The following ERBB4 variants were observed in gnomAD, a reference collection of about 807,000 sequenced individuals.
ERBB4 encodes the protein receptor tyrosine-protein kinase erbB-4.
ERBB4 carries 42 observed loss-of-function variants against 158.0 expected under a neutral mutation model. The ratio of observed to expected loss-of-function variants is 0.27; its 90% CI spans 0.21 to 0.34. The LOEUF is 0.34. Among genes scored for constraint, ERBB4 ranks in the 10% least tolerant of loss-of-function variants. ERBB4 has a pLI of 1.00. For missense variants in ERBB4, 1,333 were observed against 1,624.1 expected (o/e 0.82, Z 3.08); for synonymous variants, 583 against 558.7 (o/e 1.04, Z -0.61).
At chr2:211,422,132 C>CTATATTCGTAACTAGAAAG (rs2063526070) in intron 23 of ERBB4, 28 bp from the exon 24 acceptor site, 1 of 1,386,746 alleles carries the variant, frequency 7.2e-7, no homozygotes, top group Non-Finnish European at 1.0e-6. Context: ...GAAAATGTCA[C>CTATATTCGTAACTAGAAAG]TATATTCGTA....
intron 20 of ERBB4, among the ~76,000 whole-genome samples, chr2:211,472,603 C>T (rs78360984): frequency 0.017 from 2,652 of 151,810 alleles, 43 homozygotes; most frequent in Middle Eastern, 0.048. Context: ...AAACTCCTCA[C>T]GACGGTAATT....
intron 3 of ERBB4, among the ~76,000 whole-genome samples, chr2:211,908,967 T>C (rs1332914448): frequency 6.6e-6 from 1 of 151,656 alleles, no homozygotes; most frequent in East Asian, 2.0e-4. Context: ...ATATATGTTA[T>C]AACTGGTTTC....
At chr2:211,692,293 C>G (rs180720163) in intron 12 of ERBB4, among the ~76,000 whole-genome samples, 2 of 152,086 alleles carry the variant, frequency 1.3e-5, no homozygotes, top group Admixed American at 1.3e-4. Context: ...CAATTGTGTC[C>G]GAAAAGCTAT....
intron 2 of ERBB4, among the ~76,000 whole-genome samples, chr2:212,102,427 T>C (rs1441952259): frequency 6.6e-6 from 1 of 152,060 alleles, no homozygotes; most frequent in African/African-American, 2.4e-5. Context: ...CATTTGTTGA[T>C]CATTTTCATC....
chr2:211,526,842 A>C (rs1185647102), intron 20 of ERBB4, among the ~76,000 whole-genome samples: 1 of 152,120 alleles, frequency 6.6e-6, no homozygotes, highest in African/African-American at 2.4e-5. Context: ...GAACTAATCA[A>C]GCAGAAAAAA....
At chr2:212,449,777 T>C (rs1262889661) in intron 1 of ERBB4, among the ~76,000 whole-genome samples, 1 of 152,088 alleles carries the variant, frequency 6.6e-6, no homozygotes, top group African/African-American at 2.4e-5. Flanking sequence ...CTTGGACAGG[T>C]ACCAGGCTTG....
At chr2:212,200,905 G>A (rs1193156146) in intron 1 of ERBB4, among the ~76,000 whole-genome samples, 2 of 152,096 alleles carry the variant, frequency 1.3e-5, no homozygotes. Context: ...CTACATCAGA[G>A]TGAATTTATA....
chr2:211,633,446 T>A (rs1343954415), intron 16 of ERBB4, among the ~76,000 whole-genome samples: 1 of 150,518 alleles, frequency 6.6e-6, no homozygotes, highest in African/African-American at 2.4e-5. Flanking sequence ...GTAGTGTGAA[T>A]ACAGTGCTCT....
intron 3 of ERBB4, among the ~76,000 whole-genome samples, chr2:211,805,800 C>CA (rs950750448): frequency 5.3e-5 from 8 of 150,602 alleles, no homozygotes; most frequent in South Asian, 2.1e-4. Flanking sequence ...GAAAAAAATA[C>CA]AAAAAAAATT....
chr2:211,403,854 A>G (rs1472590462), intron 25 of ERBB4, among the ~76,000 whole-genome samples: 1 of 152,070 alleles, frequency 6.6e-6, no homozygotes, highest in Non-Finnish European at 1.5e-5. Flanking sequence ...ATGGTTTTGA[A>G]TACTTTGGCA....
intron 5 of ERBB4, among the ~76,000 whole-genome samples, chr2:211,732,577 A>C (rs1214705478): frequency 6.6e-6 from 1 of 152,202 alleles, no homozygotes; most frequent in East Asian, 1.9e-4. Context: ...GTTTAATCCA[A>C]AATGCAATAA....
intron 1 of ERBB4, among the ~76,000 whole-genome samples, chr2:212,393,846 AC>A (rs991297979): frequency 3.9e-5 from 6 of 152,106 alleles, no homozygotes; most frequent in African/African-American, 1.4e-4. Flanking sequence ...GTGCCTGAGT[AC>A]TAGGCCAATG....
rs867250842 is a variant in ERBB4, at chr2:211,633,961, C to A, written c.1947-3367G>T. Among the ~76,000 whole-genome samples the A allele has an allele frequency of 1.1e-4, 17 of 152,314 alleles. No individual in the cohort carries two copies. In the Middle Eastern group the frequency reaches 0.014, roughly 122 times the overall value. On this transcript the variant is annotated intron_variant, in intron 16 of 27. Coordinates refer to ENST00000342788, the MANE Select transcript of ERBB4 (RefSeq NM_005235.3). ...ATTGCCTGAAGTCAGGAGTTCTAGACCAGCCTGGCCAACATGGCGAAACCC... is the reference window on the plus strand; with the variant it reads ...ATTGCCTGAAGTCAGGAGTTCTAGAACAGCCTGGCCAACATGGCGAAACCC...
At chr2:212,137,974 T>C (rs560031301) in intron 1 of ERBB4, among the ~76,000 whole-genome samples, 29 of 152,312 alleles carry the variant, frequency 1.9e-4, no homozygotes, top group African/African-American at 6.5e-4. Flanking sequence ...TGGAAAACAA[T>C]ACATGGTGCT....
chr2:212,324,587 T>A (rs1199934117), intron 1 of ERBB4, among the ~76,000 whole-genome samples: 2 of 149,960 alleles, frequency 1.3e-5, no homozygotes, highest in African/African-American at 4.9e-5. Context: ...AATAATAGAA[T>A]GTGATTGATT....
At chr2:211,712,869 T>C (rs1159119321) in intron 8 of ERBB4, among the ~76,000 whole-genome samples, 1 of 152,066 alleles carries the variant, frequency 6.6e-6, no homozygotes, top group Non-Finnish European at 1.5e-5. Context: ...GTGTGGAGTT[T>C]GTCCTTTTCT....
chr2:211,774,452 G>T (rs140892162), intron 4 of ERBB4, among the ~76,000 whole-genome samples: 2,568 of 152,228 alleles, frequency 0.017, 37 homozygotes, highest in Non-Finnish European at 0.027. Context: ...ATGAATTAAA[G>T]CTGCATAGGG....
intron 1 of ERBB4, among the ~76,000 whole-genome samples, chr2:212,459,114 A>G (rs1688446961): frequency 1.3e-5 from 2 of 152,202 alleles, no homozygotes; most frequent in Admixed American, 1.3e-4. Context: ...CTGAGGCCAT[A>G]TATCTGAAGG....
intron 1 of ERBB4, among the ~76,000 whole-genome samples, chr2:212,271,242 T>G (rs2085333395): frequency 6.6e-6 from 1 of 151,742 alleles, no homozygotes; most frequent in African/African-American, 2.4e-5. Context: ...TAAATATTTG[T>G]TAAAGAAAGG....
Sources: gnomAD v4.1 joint callset for allele counts (sites outside exome capture counted in the v4.1 genomes callset) on GRCh38, gnomAD v4.1.1 for gene constraint, MANE v1.5 for transcripts, NCBI Gene and HGNC (gene_info 2026-07-23, HGNC 2026-07-21) for gene names.